Variants in FER1L6 observed in about 807,000 individuals in gnomAD.
FER1L6 encodes the protein fer-1-like protein 6.
Under a neutral mutation model 219.2 loss-of-function variants are expected in FER1L6, and 177 were observed. That is an observed-to-expected ratio of 0.81 (90% confidence interval 0.71 to 0.91). The LOEUF (loss-of-function observed/expected upper bound fraction) is 0.91, where lower values mean the gene tolerates loss of function less well. Among genes scored for constraint, FER1L6 ranks in the 40% least tolerant of loss-of-function variants. The pLI, the probability that FER1L6 is intolerant of heterozygous loss-of-function variation, is 0.00. For missense variants in FER1L6, 2,153 were observed against 2,259.9 expected, an observed-to-expected ratio of 0.95 and a Z score of 0.96; for synonymous variants, 768 against 824.3, an observed-to-expected ratio of 0.93 and a Z score of 1.17.
At chr8:123,865,575 C>G (rs1356510053) in intron 1 of FER1L6, among the ~76,000 whole-genome samples, 4 of 151,530 alleles carry the variant, frequency 2.6e-5, no homozygotes, top group Admixed American at 1.3e-4. Flanking sequence ...CGCCCCTCCC[C>G]CAGCCTCGCT....
At chr8:124,009,955 G>A (rs889542695) in intron 13 of FER1L6, among the ~76,000 whole-genome samples, 4 of 151,992 alleles carry the variant, frequency 2.6e-5, no homozygotes, top group African/African-American at 7.3e-5. Context: ...TGCAGACCCA[G>A]GGAGGAGCAA....
intron 1 of FER1L6, among the ~76,000 whole-genome samples, chr8:123,946,824 A>T (rs1563700151): frequency 6.6e-6 from 1 of 151,502 alleles, no homozygotes; most frequent in East Asian, 1.9e-4. Flanking sequence ...CTTGAGCTCG[A>T]TTTTTTTTCT....
chr8:123,902,022 C>T (rs1356427347), intron 1 of FER1L6, among the ~76,000 whole-genome samples: 1 of 151,984 alleles, frequency 6.6e-6, no homozygotes, highest in Non-Finnish European at 1.5e-5. Context: ...CCCAGCCCAA[C>T]TCAAAGAATT....
chr8:123,944,276 T>C (rs1231674860), intron 1 of FER1L6, among the ~76,000 whole-genome samples: 1 of 148,864 alleles, frequency 6.7e-6, no homozygotes, highest in East Asian at 1.9e-4. Flanking sequence ...AACAAATATA[T>C]TCATCTTATT....
chr8:123,901,608 C>A (rs1288049343), intron 1 of FER1L6, among the ~76,000 whole-genome samples: 1 of 152,040 alleles, frequency 6.6e-6, no homozygotes, highest in Non-Finnish European at 1.5e-5. Context: ...TCAGTTAGTG[C>A]ACTTTCAGTC....
chr8:124,067,643 A>G, intron 27 of FER1L6, 124 bp from the exon 28 acceptor site: 1 of 870,336 alleles, frequency 1.1e-6, no homozygotes, highest in Admixed American at 2.2e-5. Flanking sequence ...GGGACTGCTT[A>G]CAGACTGTTT....
chr8:123,966,823 T>G (rs1338647829), intron 5 of FER1L6, among the ~76,000 whole-genome samples: 1 of 152,212 alleles, frequency 6.6e-6, no homozygotes, highest in Non-Finnish European at 1.5e-5. Flanking sequence ...AGCTCACGCC[T>G]GTAATCCCAG....
intron 1 of FER1L6, among the ~76,000 whole-genome samples, chr8:123,894,587 A>T (rs1812716304): frequency 6.6e-6 from 1 of 152,204 alleles, no homozygotes. Flanking sequence ...AGCATTGTTC[A>T]CTGAGAGGGC....
At chr8:123,986,047 A>G (rs1198148555) in intron 11 of FER1L6, 21 bp from the exon 12 acceptor site, 5 of 1,408,714 alleles carry the variant, frequency 3.5e-6, no homozygotes, top group Middle Eastern at 3.5e-4. Context: ...TCTGCCTAAT[A>G]ATTTTGTTTT....
chr8:124,059,880 G>A (rs745939135), intron 22 of FER1L6, among the ~76,000 whole-genome samples: 3 of 152,140 alleles, frequency 2.0e-5, no homozygotes, highest in Non-Finnish European at 4.4e-5. Flanking sequence ...ATTTTATTAA[G>A]TTGTAAAGAC....
chr8:124,077,457 T>G (rs1258533905), intron 32 of FER1L6, among the ~76,000 whole-genome samples: 1 of 152,256 alleles, frequency 6.6e-6, no homozygotes, highest in Non-Finnish European at 1.5e-5. Flanking sequence ...TAATCAGCAC[T>G]AGCCTCTTAC....
chr8:123,969,916 A>G, intron 5 of FER1L6, 119 bp from the exon 6 acceptor site: 4 of 656,102 alleles, frequency 6.1e-6, no homozygotes, highest in Non-Finnish European at 1.1e-5. Context: ...TCAATTGATG[A>G]TGTATATATA....
chr8:123,932,412 TA>T (rs2129927788), intron 1 of FER1L6, among the ~76,000 whole-genome samples: 1 of 152,346 alleles, frequency 6.6e-6, no homozygotes, highest in Non-Finnish European at 1.5e-5. Context: ...CCAGGCTCCG[TA>T]TTTATTCTTA....
rs117424698 is a variant in FER1L6 at position 123,859,459 on chromosome 8, T to C, written c.-8+7274T>C. 4.5e-3 allele frequency among the ~76,000 whole-genome samples: 685 copies of C among 152,188 alleles called. 2 individuals carry two copies. The highest frequency in any genetic ancestry group is 6.7e-3 in the Non-Finnish European group (453 of 68,006). On this transcript the variant is annotated intron_variant, in intron 1 of 40. Transcript: ENST00000522917. ...CTTTGAATTCCAGTCTAACTGAAACTTTCTACACTATGATCCATATCCTCC... is the reference window on the plus strand; with the variant it reads ...CTTTGAATTCCAGTCTAACTGAAACCTTCTACACTATGATCCATATCCTCC...
At chr8:124,000,977 C>A (rs1045482123) in intron 12 of FER1L6, among the ~76,000 whole-genome samples, 1 of 152,158 alleles carries the variant, frequency 6.6e-6, no homozygotes, top group Non-Finnish European at 1.5e-5. Context: ...TGAGAGAGAC[C>A]TGGCAGCTGG....
intron 1 of FER1L6, among the ~76,000 whole-genome samples, chr8:123,917,762 T>A (rs1443551189): frequency 6.6e-6 from 1 of 152,266 alleles, no homozygotes; most frequent in African/African-American, 2.4e-5. Context: ...TACATTTTTA[T>A]ACACAAATTG....
intron 1 of FER1L6, among the ~76,000 whole-genome samples, chr8:123,899,741 C>A (rs961190924): frequency 2.0e-5 from 3 of 152,090 alleles, no homozygotes; most frequent in Non-Finnish European, 4.4e-5. Context: ...TATCCCAGCA[C>A]CATTTGTTGA....
At chr8:123,860,158 G>T (rs1816722577) in intron 1 of FER1L6, among the ~76,000 whole-genome samples, 1 of 76,664 alleles carries the variant, frequency 1.3e-5, no homozygotes, top group African/African-American at 6.1e-5. Flanking sequence ...AGTCCCCAGA[G>T]TGTGATATTC....
At chr8:124,011,506 C>T (rs1192643014) in intron 14 of FER1L6, among the ~76,000 whole-genome samples, 1 of 152,096 alleles carries the variant, frequency 6.6e-6, no homozygotes, top group African/African-American at 2.4e-5. Context: ...TGTACTACCA[C>T]CCCTGGCTAA....
Sources: gnomAD v4.1 joint callset for allele counts (sites outside exome capture counted in the v4.1 genomes callset) on GRCh38, gnomAD v4.1.1 for gene constraint, MANE v1.5 for transcripts, NCBI Gene and HGNC (gene_info 2026-07-23, HGNC 2026-07-21) for gene names.